Variants in TRAPPC11 observed in about 807,000 individuals in gnomAD.
TRAPPC11 encodes the protein foie gras homolog.
In TRAPPC11, 104 loss-of-function variants were observed where a neutral mutation model predicts 151.2. The observed-to-expected ratio is 0.69, with a 90% CI of 0.59 to 0.81. TRAPPC11 has a LOEUF of 0.81. Among genes scored for constraint, TRAPPC11 ranks in the 30% least tolerant of loss-of-function variants. The pLI, the probability that TRAPPC11 is intolerant of heterozygous loss-of-function variation, is 0.00. For missense variants in TRAPPC11, 1,230 were observed against 1,349.6 expected (o/e 0.91, Z 1.39); for synonymous variants, 456 against 472.3 (o/e 0.97, Z 0.45).
chr4:183,693,421 G>A (rs1376977306), intron 20 of TRAPPC11, among the ~76,000 whole-genome samples, 168 bp from the exon 21 acceptor site: 1 of 152,148 alleles, frequency 6.6e-6, no homozygotes, highest in Non-Finnish European at 1.5e-5. Context: ...GCCCAGCCTT[G>A]TTTCAAACTC....
rs1480106118 is a variant in TRAPPC11, at chr4:183,708,326, T to C, written c.3190-81T>C. 8 of 1,413,534 alleles carry C rather than the reference T, an allele frequency of 5.7e-6. No homozygotes were observed. In the East Asian group the frequency reaches 1.9e-4, roughly 33 times the overall value. 87.6% of individuals were successfully genotyped at this position (1,413,534 alleles called of 1,614,324 possible). A position where few individuals can be genotyped will look rare whatever the true frequency, so the allele number is the denominator to read the frequency against. On this transcript the variant is annotated intron_variant, in intron 28 of 29. Transcript: ENST00000334690. ...AAGGATTTGGTTATCCAATCTTTTG[T>C]AAATAATTGAGGGTAACAACATATA...
chr4:183,685,665 G>A (rs891617428), intron 17 of TRAPPC11, among the ~76,000 whole-genome samples: 1 of 152,020 alleles, frequency 6.6e-6, no homozygotes, highest in African/African-American at 2.4e-5. Flanking sequence ...TATTTAAAAG[G>A]TTGTGCTTTA....
At chr4:183,705,291 G>C (rs576480334) in intron 27 of TRAPPC11, among the ~76,000 whole-genome samples, 1 of 152,040 alleles carries the variant, frequency 6.6e-6, no homozygotes, top group African/African-American at 2.4e-5. Context: ...ACTTTCATAT[G>C]CCTGTTTTAA....
chr4:183,693,167 C>T lies in TRAPPC11; in HGVS notation c.2237+20C>T. 6.4e-7 allele frequency: 1 copy of T among 1,559,062 alleles called. No homozygotes were observed. Among genetic ancestry groups the T allele is most frequent in the Non-Finnish European group, 8.7e-7 (1 of 1,151,184 alleles). ...CACAATGTAAGTCTGCTTTGCTAAGCTGATATTAAAGGTCATCCTCTTATT... is the reference window on the plus strand; with the variant it reads ...CACAATGTAAGTCTGCTTTGCTAAGTTGATATTAAAGGTCATCCTCTTATT... On this transcript the variant is annotated intron_variant, in intron 20 of 29. Coordinates refer to ENST00000334690, the MANE Select transcript of TRAPPC11 (RefSeq NM_021942.6).
chr4:183,665,404 T>C (rs1734830880), intron 2 of TRAPPC11, among the ~76,000 whole-genome samples: 1 of 152,194 alleles, frequency 6.6e-6, no homozygotes, highest in Non-Finnish European at 1.5e-5. Flanking sequence ...TACATGATTA[T>C]TTTTCTTTAG....
rs546694169 is a variant in TRAPPC11, at chr4:183,669,783, C to T, written c.560+1666C>T. ...TGGCCGAAATGTCAGCAGTGCTGAG[C>T]TTGAGAACCCTACCTTAACCATCAG... On this transcript the variant is annotated intron_variant, in intron 5 of 29. Coordinates refer to ENST00000334690, the MANE Select transcript of TRAPPC11 (RefSeq NM_021942.6). 5.3e-5 allele frequency among the ~76,000 whole-genome samples: 8 copies of T among 152,282 alleles called. No homozygotes were observed. In the South Asian group the frequency reaches 1.2e-3, roughly 24 times the overall value.
chr4:183,677,516 C>G lies in TRAPPC11; in HGVS notation c.793C>G (p.Leu265Val). 6.2e-7 allele frequency: 1 copy of G among 1,607,708 alleles called. No individual in the cohort carries two copies. The highest frequency in any genetic ancestry group is 8.5e-7 in the Non-Finnish European group (1 of 1,174,654). The change falls in exon 8 of 30, where the codon CTG becomes GTG. Residue 265 changes from leucine (L) to valine (V), a missense_variant. Coordinates refer to ENST00000334690, the MANE Select transcript of TRAPPC11 (RefSeq NM_021942.6). ...HELRAHETNI[L>V]EIKTMAGFIN... ...ATTGAGAGCCCATGAAACTAATATT[C>G]TGGAAATTAAGACTATGGCAGGATT...
chr4:183,700,252 A>G (rs146858893), intron 25 of TRAPPC11, among the ~76,000 whole-genome samples: 21 of 152,266 alleles, frequency 1.4e-4, no homozygotes, highest in East Asian at 1.4e-3. Flanking sequence ...TATTTTATTT[A>G]CTGGGCTACA....
intron 1 of TRAPPC11, among the ~76,000 whole-genome samples, chr4:183,661,328 T>G (rs954494533): frequency 4.0e-5 from 6 of 149,774 alleles, no homozygotes; most frequent in African/African-American, 1.5e-4. Flanking sequence ...GTTAGACTTC[T>G]CCATAATATA....
intron 29 of TRAPPC11, 114 bp from the exon 30 acceptor site, chr4:183,712,486 A>G: frequency 9.5e-7 from 1 of 1,047,932 alleles, no homozygotes; most frequent in Non-Finnish European, 1.5e-6. Context: ...GCTTACACTC[A>G]TTTATTCTGT....
chr4:183,682,563 A>G (rs1735750235), intron 10 of TRAPPC11, among the ~76,000 whole-genome samples, 169 bp from the exon 11 acceptor site: 1 of 152,252 alleles, frequency 6.6e-6, no homozygotes, highest in Non-Finnish European at 1.5e-5. Context: ...AAACATTTTT[A>G]GCTTAATTTT....
chr4:183,670,880 G>C (rs1031379014), intron 5 of TRAPPC11, among the ~76,000 whole-genome samples: 1 of 152,158 alleles, frequency 6.6e-6, no homozygotes, highest in African/African-American at 2.4e-5. Context: ...CTGCCCCCCA[G>C]ATTCAAGTGA....
chr4:183,697,181 G>A lies in TRAPPC11; in HGVS notation c.2629-322G>A, dbSNP rs973887028. ...TCTAAAACCATAAAATACGGTAGCC[G>A]GGCGTGGTAGTGTGCTCCTGTAGTC... On this transcript the variant is annotated intron_variant, in intron 23 of 29. Coordinates refer to ENST00000334690, the MANE Select transcript of TRAPPC11 (RefSeq NM_021942.6). Among the ~76,000 whole-genome samples, 5 of 152,050 alleles carry A rather than the reference G, an allele frequency of 3.3e-5. 1 individual carries two copies. Among genetic ancestry groups the A allele is most frequent in the Admixed American group, 3.3e-4 (5 of 15,270 alleles).
chr4:183,665,252 G>GCCC (rs1734806742), intron 2 of TRAPPC11, among the ~76,000 whole-genome samples: 1 of 151,786 alleles, frequency 6.6e-6, no homozygotes. Context: ...CCGCCACCAC[G>GCCC]TCCAGCTAAT....
At chr4:183,682,879 C>A in intron 11 of TRAPPC11, 54 bp downstream of exon 11, 1 of 1,197,678 alleles carries the variant, frequency 8.3e-7, no homozygotes, top group Non-Finnish European at 1.2e-6. Context: ...GCAACAATAG[C>A]TATAATAGAT....
chr4:183,665,929 CTTTT>C (rs11462767), intron 2 of TRAPPC11, among the ~76,000 whole-genome samples: 280 of 137,884 alleles, frequency 2.0e-3, no homozygotes, highest in African/African-American at 7.3e-3. Flanking sequence ...AAATGGGCTA[CTTTT>C]TTTTTTTTTT....
rs181880582 is a variant in TRAPPC11 at position 183,684,071 on chromosome 4, A to G, written c.1287+17A>G. 163 of 1,611,868 alleles carry G rather than the reference A, an allele frequency of 1.0e-4. No homozygotes were observed. The African/African-American group carries it at 1.2e-3, about 12-fold the overall frequency. On this transcript the variant is annotated intron_variant, in intron 12 of 29. Coordinates refer to ENST00000334690, the MANE Select transcript of TRAPPC11 (RefSeq NM_021942.6). ...GTTCACTCTGTAAGTTTTGTGTCCA[A>G]TATAAACTATTTTTTACACTATTTA...
chr4:183,687,974 A>G (rs901700791), intron 18 of TRAPPC11, among the ~76,000 whole-genome samples: 2 of 152,198 alleles, frequency 1.3e-5, no homozygotes, highest in African/African-American at 2.4e-5. Context: ...TTGAAGCATT[A>G]TATAGTATAT....
Position 183,684,777 on chromosome 4 carries a change from G to A in TRAPPC11, c.1503G>A (p.Lys501=), listed in dbSNP as rs530411873. ...LLTSVLTTAL[K]CSYLMAQLKD... The stretch of plus-strand genomic sequence containing the variant: ...CTTCTGTATTAACTACAGCTCTGAA[G>A]TGCTCCTACCTCATGGCCCAATTAA... The change falls in exon 15 of 30, where the codon AAG becomes AAA. Residue 501 remains lysine (K), a synonymous_variant. Coordinates refer to ENST00000334690, the MANE Select transcript of TRAPPC11 (RefSeq NM_021942.6). 5.8e-4 allele frequency: 937 copies of A among 1,613,944 alleles called. 16 individuals carry two copies. The South Asian group carries it at 9.2e-3, about 16-fold the overall frequency.
Sources: gnomAD v4.1 joint callset for allele counts (sites outside exome capture counted in the v4.1 genomes callset) on GRCh38, gnomAD v4.1.1 for gene constraint, MANE v1.5 for transcripts, NCBI Gene and HGNC (gene_info 2026-07-23, HGNC 2026-07-21) for gene names.